The following CBX1 variants were observed in gnomAD, a reference collection of about 807,000 sequenced individuals.
CBX1 encodes chromobox protein homolog 1.
Under a neutral mutation model 25.1 loss-of-function variants are expected in CBX1, and 10 were observed. That is an observed-to-expected ratio of 0.40 (90% CI 0.25 to 0.68). CBX1 has a LOEUF of 0.68. Among genes scored for constraint, CBX1 ranks in the 30% least tolerant of loss-of-function variants. The probability of loss-of-function intolerance (pLI) is 0.40; values close to 1 mark genes in which losing one functional copy is unlikely to be tolerated. For missense variants in CBX1, 106 were observed against 218.5 expected (o/e 0.49, Z 3.25); for synonymous variants, 63 against 79.4 (o/e 0.79, Z 1.10).
intron 4 of CBX1, among the ~76,000 whole-genome samples, chr17:48,072,310 C>T (rs758887692): frequency 1.3e-5 from 2 of 152,050 alleles, no homozygotes; most frequent in Non-Finnish European, 2.9e-5. Context: ...CTCGCCCGGC[C>T]CGTAATAGGA....
At chr17:48,090,181 C>A (rs2063337066) in intron 1 of CBX1, among the ~76,000 whole-genome samples, 1 of 152,038 alleles carries the variant, frequency 6.6e-6, no homozygotes, top group African/African-American at 2.4e-5. Flanking sequence ...GGATTACAGG[C>A]ACGAGTCACT....
At chr17:48,082,969 C>T (rs1177422189) in intron 1 of CBX1, among the ~76,000 whole-genome samples, 1 of 148,174 alleles carries the variant, frequency 6.7e-6, no homozygotes, top group Non-Finnish European at 1.5e-5. Flanking sequence ...CAGGTTCAAG[C>T]GATTCTCCTG....
chr17:48,097,216 T>A (rs2063380265), intron 1 of CBX1, among the ~76,000 whole-genome samples: 1 of 151,488 alleles, frequency 6.6e-6, no homozygotes, highest in Non-Finnish European at 1.5e-5. Context: ...ATTGCGCCAC[T>A]GCACTCCAGC....
intron 4 of CBX1, among the ~76,000 whole-genome samples, chr17:48,072,795 T>C (rs1323491011): frequency 2.2e-5 from 3 of 139,348 alleles, no homozygotes; most frequent in Admixed American, 7.3e-5. Flanking sequence ...AAAAAAAAAG[T>C]TTTCAAAATT....
intron 1 of CBX1, among the ~76,000 whole-genome samples, chr17:48,081,212 CA>C (rs1356478114): frequency 6.7e-6 from 1 of 149,892 alleles, no homozygotes. Flanking sequence ...GAGATCTGGC[CA>C]AAAAATAAAA....
intron 1 of CBX1, among the ~76,000 whole-genome samples, chr17:48,083,331 A>T (rs970386438): frequency 4.2e-4 from 63 of 150,474 alleles, no homozygotes; most frequent in Admixed American, 3.9e-4. Context: ...TGTAAATTCC[A>T]CCTGCACCCC....
chr17:48,073,824 C>CAAAAAAAAAAAGAAAAAA (rs2037649261), intron 4 of CBX1, among the ~76,000 whole-genome samples: 1 of 82,500 alleles, frequency 1.2e-5, no homozygotes, highest in Non-Finnish European at 2.2e-5. Flanking sequence ...GAGACTGTCT[C>CAAAAAAAAAAAGAAAAAA]AAAAAAAAAA....
intron 1 of CBX1, among the ~76,000 whole-genome samples, chr17:48,080,660 C>T (rs897432244): frequency 2.0e-5 from 3 of 151,410 alleles, no homozygotes; most frequent in Non-Finnish European, 4.4e-5. Context: ...CGGTGGTTCA[C>T]GCCTGTAATC....
intron 1 of CBX1, among the ~76,000 whole-genome samples, chr17:48,087,947 TGAG>T (rs1049862985): frequency 1.3e-5 from 2 of 150,392 alleles, no homozygotes; most frequent in Non-Finnish European, 3.0e-5. Flanking sequence ...AGCGAATACA[TGAG>T]GAAGTGGTGT....
intron 1 of CBX1, among the ~76,000 whole-genome samples, chr17:48,092,453 TC>T (rs2063349395): frequency 7.5e-5 from 1 of 13,368 alleles, no homozygotes; most frequent in Non-Finnish European, 3.0e-4. Flanking sequence ...CAAGACTCCA[TC>T]TCTCTCTCTC....
In CBX1 at chr17:48,071,360, C is replaced by G; in HGVS notation, c.*75G>C. On this transcript the variant is annotated 3_prime_UTR_variant, in exon 5 of 5. Transcript: ENST00000225603. ...TCTTCTCAAGCCACCTCTATGGTGT[C>G]AAGACAAGTAGAACTCCTTCCCTTC... 1 of 1,457,524 alleles carries G rather than the reference C, an allele frequency of 6.9e-7. No homozygotes were observed. Among genetic ancestry groups the G allele is most frequent in the Non-Finnish European group, 9.3e-7 (1 of 1,074,472 alleles). 90.3% of individuals were successfully genotyped at this position (1,457,524 alleles called of 1,614,324 possible).
chr17:48,091,378 C>T (rs67134430), intron 1 of CBX1, among the ~76,000 whole-genome samples: 5,729 of 144,680 alleles, frequency 0.04, 122 homozygotes, highest in South Asian at 0.056. Flanking sequence ...GATCTTCTAG[C>T]TTTTTTTTTT....
chr17:48,097,291 A>G (rs2063380980), intron 1 of CBX1, among the ~76,000 whole-genome samples: 1 of 151,102 alleles, frequency 6.6e-6, no homozygotes, highest in Non-Finnish European at 1.5e-5. Flanking sequence ...ATTGTACCCC[A>G]TAAGGATACA....
At chr17:48,096,884 G>A (rs1483609874) in intron 1 of CBX1, among the ~76,000 whole-genome samples, 4 of 152,154 alleles carry the variant, frequency 2.6e-5, no homozygotes, top group African/African-American at 7.2e-5. Context: ...CTTGAGGCCA[G>A]GAGTTCGAAA....
At chr17:48,086,014 T>G (rs1470346791) in intron 1 of CBX1, among the ~76,000 whole-genome samples, 1 of 152,086 alleles carries the variant, frequency 6.6e-6, no homozygotes, top group African/African-American at 2.4e-5. Flanking sequence ...ACATTGGCAG[T>G]GAGCCAAAAT....
At chr17:48,086,311 C>T (rs1363385339) in intron 1 of CBX1, among the ~76,000 whole-genome samples, 1 of 152,162 alleles carries the variant, frequency 6.6e-6, no homozygotes, top group African/African-American at 2.4e-5. Context: ...CAAGCTTAGG[C>T]ATTTCATTTT....
At position 48,084,707 on chromosome 17, in the gene CBX1, G is replaced by C. The variant is rs544265591; in HGVS notation, c.-37-7666C>G. Among the ~76,000 whole-genome samples the C allele has an allele frequency of 1.6e-3, 234 of 149,274 alleles. 19 individuals are homozygous for C. Among genetic ancestry groups the C allele is most frequent in the African/African-American group, 5.8e-3 (228 of 39,120 alleles). Reference sequence around the variant, plus strand: ...GGGTGGATCATGAGGTCAGGAGATCGAGACCATCCTGGCTAACATGGTGAA... The same window carrying C: ...GGGTGGATCATGAGGTCAGGAGATCCAGACCATCCTGGCTAACATGGTGAA... On this transcript the variant is annotated intron_variant, in intron 1 of 4. Coordinates refer to ENST00000225603, the MANE Select transcript of CBX1 (RefSeq NM_001127228.2).
chr17:48,070,940 C>G lies in CBX1; in HGVS notation c.*495G>C, dbSNP rs1288905594. On this transcript the variant is annotated 3_prime_UTR_variant, in exon 5 of 5. Transcript: ENST00000225603. ...GCTTCACCATTTCCCCTATCAGGCC[C>G]CAAATGTTAATCAAAATGATGCTAC... The G allele has an allele frequency of 1.3e-5, 2 of 152,744 alleles. No individual in the cohort carries two copies. The highest frequency in any genetic ancestry group is 2.9e-5 in the Non-Finnish European group (2 of 68,206). The allele number at this position is 152,744 out of a possible 1,614,324, so 9.5% of individuals were successfully genotyped here.
intron 4 of CBX1, among the ~76,000 whole-genome samples, chr17:48,074,688 G>A (rs972325475): frequency 1.6e-4 from 24 of 152,146 alleles, no homozygotes; most frequent in Non-Finnish European, 3.5e-4. Context: ...TAGAAGGAGA[G>A]GGTGGTCCAA....
Sources: allele counts gnomAD v4.1 joint callset (sites outside exome capture counted in the v4.1 genomes callset), GRCh38; gene constraint gnomAD v4.1.1; transcripts MANE v1.5; gene names NCBI Gene and HGNC (gene_info 2026-07-23, HGNC 2026-07-21).